ZBTB46: variants seen among roughly 807,000 people sequenced by gnomAD.
ZBTB46 encodes the protein zinc finger and BTB domain containing 46.
A neutral mutation model predicts 44.1 loss-of-function variants in ZBTB46; 8 were observed. The ratio of observed to expected loss-of-function variants is 0.18; its 90% confidence interval spans 0.11 to 0.33. The LOEUF (loss-of-function observed/expected upper bound fraction) is 0.33. ZBTB46 is among the 10% of genes least tolerant of loss of function. The pLI, the probability that ZBTB46 is intolerant of heterozygous loss-of-function variation, is 1.00. For missense variants in ZBTB46, 651 were observed against 847.7 expected (o/e 0.77, Z 2.88); for synonymous variants, 409 against 382.3 (o/e 1.07, Z -0.81).
chr20:63,748,713 G>A (rs993141604), intron 4 of ZBTB46, among the ~76,000 whole-genome samples: 15 of 152,284 alleles, frequency 9.9e-5, no homozygotes, highest in Middle Eastern at 3.4e-3. Flanking sequence ...GGCTCCCCTC[G>A]GCTCCTCCCT....
chr20:63,775,525 ACGCCGCATCCTCACCTCC>A, intron 3 of ZBTB46, 135 bp downstream of exon 3: 1 of 1,017,636 alleles, frequency 9.8e-7, no homozygotes, highest in Non-Finnish European at 1.4e-6. Context: ...CCAGGCTGTG[ACGCCGCATCCTCACCTCC>A]CGCAACAGGG....
Position 63,776,283 on chromosome 20 carries a change from G to A in ZBTB46, c.938-321C>T, listed in dbSNP as rs186920707. 2.8e-3 allele frequency among the ~76,000 whole-genome samples: 433 copies of A among 152,378 alleles called. 3 individuals are homozygous for A. Among genetic ancestry groups the A allele is most frequent in the Non-Finnish European group, 4.7e-3 (323 of 68,036 alleles). On this transcript the variant is annotated intron_variant, in intron 2 of 4. Coordinates refer to ENST00000245663, the MANE Select transcript of ZBTB46 (RefSeq NM_001369741.1). ...CTGGTACCTGCTCTGCTCCAGGGCCGAGGGCCTGAGAGTCAGAGGCTCCTG... is the reference window on the plus strand; with the variant it reads ...CTGGTACCTGCTCTGCTCCAGGGCCAAGGGCCTGAGAGTCAGAGGCTCCTG...
intron 1 of ZBTB46, among the ~76,000 whole-genome samples, chr20:63,800,706 G>A (rs1409344884): frequency 6.6e-6 from 1 of 152,228 alleles, no homozygotes; most frequent in African/African-American, 2.4e-5. Flanking sequence ...GCTGCGGAGG[G>A]TGTCCGCCAG....
rs2145829152 is a variant in ZBTB46, at chr20:63,768,023, G to T, written c.1222+7655C>A. 4.1e-6 allele frequency: 4 copies of T among 985,448 alleles called. No individual in the cohort carries two copies. The South Asian group carries it at 1.4e-4, about 35-fold the overall frequency. The allele number at this position is 985,448 out of a possible 1,614,324, so 61.0% of individuals were successfully genotyped here. A position where few individuals can be genotyped will look rare whatever the true frequency, so the allele number is the denominator to read the frequency against. On this transcript the variant is annotated intron_variant, in intron 3 of 4. Coordinates refer to ENST00000245663, the MANE Select transcript of ZBTB46 (RefSeq NM_001369741.1). The stretch of plus-strand genomic sequence containing the variant: ...GACAAGTTACAGACCGTCAGGATGG[G>T]ATAAAAGCAGCAAGACTTCTAGTGT...
Position 63,760,918 on chromosome 20 carries a change from G to C in ZBTB46, c.1223-8057C>G, listed in dbSNP as rs898528510. 4.7e-5 allele frequency among the ~76,000 whole-genome samples: 7 copies of C among 150,152 alleles called. 1 individual carries two copies. The highest frequency in any genetic ancestry group is 6.0e-5 in the Non-Finnish European group (4 of 67,212). On this transcript the variant is annotated intron_variant, in intron 3 of 4. Transcript: ENST00000245663. ...GAGCCTTCTGACTTAACCTCCCGAA[G>C]TGCTGGGATTACAGGTGTGCACCAC...
rs1361418529 is a variant in ZBTB46 at position 63,791,330 on chromosome 20, C to T, written c.-33-540G>A. Among the ~76,000 whole-genome samples the T allele has an allele frequency of 3.9e-5, 6 of 151,950 alleles. No individual in the cohort carries two copies. The Middle Eastern group carries it at 0.01, about 258-fold the overall frequency. ...CCAACATGGTGAAACCCTGTCTCTA[C>T]TAAAAATACAAAAAAAGCAGCTGGG... is the stretch of plus-strand genomic sequence containing the variant. On this transcript the variant is annotated intron_variant, in intron 1 of 4. Coordinates refer to ENST00000245663, the MANE Select transcript of ZBTB46 (RefSeq NM_001369741.1).
chr20:63,771,524 C>T (rs928400859), intron 3 of ZBTB46, among the ~76,000 whole-genome samples: 1 of 152,178 alleles, frequency 6.6e-6, no homozygotes, highest in Admixed American at 6.5e-5. Flanking sequence ...GTTCTCTCCC[C>T]CGATCAGCGT....
chr20:63,771,522 C>T (rs1342975217), intron 3 of ZBTB46, among the ~76,000 whole-genome samples: 2 of 152,154 alleles, frequency 1.3e-5, no homozygotes, highest in Non-Finnish European at 2.9e-5. Context: ...CAGTTCTCTC[C>T]CCCGATCAGC....
intron 3 of ZBTB46, among the ~76,000 whole-genome samples, chr20:63,762,678 A>AAAC (rs201669587): frequency 3.2e-4 from 33 of 103,198 alleles, no homozygotes; most frequent in Middle Eastern, 5.6e-3. Context: ...ACAAACAAAC[A>AAAC]AAAAAAAAAC....
chr20:63,769,294 G>A (rs577058820), intron 3 of ZBTB46: 17 of 985,284 alleles, frequency 1.7e-5, no homozygotes, highest in South Asian at 4.7e-5. Context: ...TGGGTCTGGC[G>A]GTTCCCCAGA....
upstream of ZBTB46, among the ~76,000 whole-genome samples, chr20:63,833,155 T>A (rs1416275352): frequency 6.6e-6 from 1 of 152,174 alleles, no homozygotes; most frequent in African/African-American, 2.4e-5. Context: ...CATGCAGGGA[T>A]GGAGAGCAGC....
At chr20:63,758,415 T>C (rs2092243976) in intron 3 of ZBTB46, among the ~76,000 whole-genome samples, 1 of 151,864 alleles carries the variant, frequency 6.6e-6, no homozygotes, top group Non-Finnish European at 1.5e-5. Flanking sequence ...CATTTCCCCC[T>C]CTCCCTCTGC....
intron 2 of ZBTB46, among the ~76,000 whole-genome samples, chr20:63,778,191 T>A (rs974717715): frequency 2.0e-5 from 3 of 152,044 alleles, no homozygotes; most frequent in African/African-American, 7.2e-5. Flanking sequence ...GTGAATCATC[T>A]CTCAGTAAAG....
In ZBTB46 at chr20:63,752,722, C is replaced by T. The variant is rs143190938; in HGVS notation, c.1362G>A (p.Lys454=). ...RPYPCEICGK[K]FTRREHMKRH... is the part of the protein sequence containing the mutation. ...GCTTCATGTGCTCGCGCCGCGTGAA[C>T]TTCTTCCCGCAGATCTCGCAGGGGT... The change falls in exon 4 of 5, where the codon AAG becomes AAA. Residue 454 remains lysine, a synonymous_variant. Transcript: ENST00000245663. The surrounding 1 kb of genome is among the most constrained non-coding windows in gnomAD (Gnocchi z 5.6). The T allele has an allele frequency of 3.1e-6, 5 of 1,606,592 alleles. No homozygotes were observed. The highest frequency in any genetic ancestry group is 4.3e-6 in the Non-Finnish European group (5 of 1,176,272).
upstream of ZBTB46, among the ~76,000 whole-genome samples, chr20:63,833,155 T>G (rs1416275352): frequency 6.6e-6 from 1 of 152,174 alleles, no homozygotes; most frequent in African/African-American, 2.4e-5. Flanking sequence ...CATGCAGGGA[T>G]GGAGAGCAGC....
chr20:63,748,063 TGACCCCCTCAGTCCCTGACCCCTCAGCCC>T (rs2092121856), intron 4 of ZBTB46, among the ~76,000 whole-genome samples: 1 of 150,616 alleles, frequency 6.6e-6, no homozygotes, highest in Admixed American at 6.6e-5. Flanking sequence ...CCTCAGCCCC[TGACCCCCTCAGTCCCTGACCCCTCAGCCC>T]GACCCTGACT....
intron 1 of ZBTB46, among the ~76,000 whole-genome samples, chr20:63,798,673 T>TAAAAAAAA (rs1568882836): frequency 3.0e-3 from 6 of 2,012 alleles, no homozygotes; most frequent in Non-Finnish European, 4.5e-3. Context: ...AGACTCTGTC[T>TAAAAAAAA]CAAAAAAAAA....
At position 63,768,753 on chromosome 20, in the gene ZBTB46, C is replaced by T. The variant is rs145881575; in HGVS notation, c.1222+6925G>A. On this transcript the variant is annotated intron_variant, in intron 3 of 4. Coordinates refer to ENST00000245663, the MANE Select transcript of ZBTB46 (RefSeq NM_001369741.1). Reference sequence around the variant, plus strand: ...GAATGCCTTCCACCAGGGCTCTGCGCGGCTCGGGCTGGGGCAGTGGAACGG... The same window carrying T: ...GAATGCCTTCCACCAGGGCTCTGCGTGGCTCGGGCTGGGGCAGTGGAACGG... 5.7e-3 allele frequency among the ~76,000 whole-genome samples: 873 copies of T among 152,092 alleles called. 5 individuals are homozygous for T. Among genetic ancestry groups the T allele is most frequent in the African/African-American group, 0.019 (771 of 41,512 alleles).
In ZBTB46 at chr20:63,813,023, G is replaced by A. The variant is rs189489234; in HGVS notation, c.-34+18074C>T. Among the ~76,000 whole-genome samples, 241 of 152,118 alleles carry A rather than the reference G, an allele frequency of 1.6e-3. 3 individuals carry two copies. The highest frequency in any genetic ancestry group is 4.0e-4 in the Non-Finnish European group (27 of 68,014). On this transcript the variant is annotated intron_variant, in intron 1 of 4. Transcript: ENST00000245663. Reference sequence around the variant, plus strand: ...TGAGGCAGCAGAATTGCTTGAACACGGAAGGCGGAGGTTGCAGTGAGCCGA... The same window carrying A: ...TGAGGCAGCAGAATTGCTTGAACACAGAAGGCGGAGGTTGCAGTGAGCCGA...
Sources: gnomAD v4.1 joint callset for allele counts (sites outside exome capture counted in the v4.1 genomes callset) on GRCh38, gnomAD v4.1.1 for gene constraint, Gnocchi (gnomAD v3.1) non-coding constraint, MANE v1.5 for transcripts, NCBI Gene and HGNC (gene_info 2026-07-23, HGNC 2026-07-21) for gene names.